Variants in UBIAD1 observed in about 807,000 individuals in gnomAD.
UBIAD1 encodes ubiA prenyltransferase domain-containing protein 1.
Under a neutral mutation model 20.1 loss-of-function variants are expected in UBIAD1, and 12 were observed. The ratio of observed to expected loss-of-function variants is 0.60; its 90% confidence interval spans 0.38 to 0.97. The LOEUF is 0.97. Ranked by LOEUF, UBIAD1 falls within the 50% of genes least tolerant of loss-of-function variation. The pLI, the probability that UBIAD1 is intolerant of heterozygous loss-of-function variation, is 0.00. For missense variants in UBIAD1, 333 were observed against 419.5 expected (o/e 0.79, Z 1.80); for synonymous variants, 207 against 189.2 (o/e 1.09, Z -0.77).
chr1:11,286,177 A>G lies in UBIAD1; in HGVS notation c.*46A>G. Reference sequence around the variant, plus strand: ...ACGACATGTCTCCCTTTCTTAGAATATATTAAAGTCAGAGTCTCTGAGGAA... The same window carrying G: ...ACGACATGTCTCCCTTTCTTAGAATGTATTAAAGTCAGAGTCTCTGAGGAA... On this transcript the variant is annotated 3_prime_UTR_variant, in exon 2 of 2. Coordinates refer to ENST00000376810, the MANE Select transcript of UBIAD1 (RefSeq NM_013319.3). 1 of 1,612,976 alleles carries G rather than the reference A, an allele frequency of 6.2e-7. No individual in the cohort carries two copies. The highest frequency in any genetic ancestry group is 8.5e-7 in the Non-Finnish European group (1 of 1,179,402).
intron 1 of UBIAD1, among the ~76,000 whole-genome samples, chr1:11,280,341 C>T (rs911252583): frequency 7.2e-5 from 11 of 152,124 alleles, no homozygotes; most frequent in African/African-American, 2.7e-4. Context: ...CGATCTTAAC[C>T]AGTCCTACTC....
At chr1:11,298,754 T>A (rs1338449424), downstream of UBIAD1, among the ~76,000 whole-genome samples, 1 of 152,116 alleles carries the variant, frequency 6.6e-6, no homozygotes, top group Non-Finnish European at 1.5e-5. This position sits in a 1 kb window ranked among gnomAD's most constrained non-coding sequence, Gnocchi z 4.0. Flanking sequence ...GAGCGACACC[T>A]GGTAAAGCCA....
rs749063851 is a variant in UBIAD1, at chr1:11,274,041, C to T, written c.510C>T (p.Gly170=). Reference sequence around the variant, plus strand: ...TTATCTACTTTGGAGGCCTGTCTGGCTCCTTTCTCTACACAGGAGGTAAGA... The same window carrying T: ...TTATCTACTTTGGAGGCCTGTCTGGTTCCTTTCTCTACACAGGAGGTAAGA... The part of the protein sequence containing the change: ...LALIYFGGLS[G]SFLYTGGIGF... Residue 170 remains glycine, a synonymous_variant, in exon 1 of 2, where the codon GGC becomes GGT. Coordinates refer to ENST00000376810, the MANE Select transcript of UBIAD1 (RefSeq NM_013319.3). The T allele has an allele frequency of 3.1e-6, 5 of 1,614,168 alleles. No homozygotes were observed. The Admixed American group carries it at 8.3e-5, about 27-fold the overall frequency.
Position 11,284,148 on chromosome 1 carries a change from G to A in UBIAD1, c.530-1496G>A, listed in dbSNP as rs186767109. Among the ~76,000 whole-genome samples, 676 of 152,332 alleles carry A rather than the reference G, an allele frequency of 4.4e-3. 3 individuals carry two copies. Among genetic ancestry groups the A allele is most frequent in the Non-Finnish European group, 7.5e-3 (510 of 68,034 alleles). On this transcript the variant is annotated intron_variant, in intron 1 of 1. Transcript: ENST00000376810. Reference sequence around the variant, plus strand: ...ATGATGAAGTTTATGAACATGGCAGGCATATTGCCATGGGAGCATATTGCA... The same window carrying A: ...ATGATGAAGTTTATGAACATGGCAGACATATTGCCATGGGAGCATATTGCA...
At chr1:11,281,947 G>C (rs1652255310) in intron 1 of UBIAD1, among the ~76,000 whole-genome samples, 1 of 151,896 alleles carries the variant, frequency 6.6e-6, no homozygotes, top group Non-Finnish European at 1.5e-5. Flanking sequence ...TCCTTTTTTT[G>C]CTGACTAGCA....
Position 11,285,718 on chromosome 1 carries a change from G to T in UBIAD1, c.604G>T (p.Ala202Ser). 1.2e-6 allele frequency: 2 copies of T among 1,614,076 alleles called. No homozygotes were observed. Among genetic ancestry groups the T allele is most frequent in the South Asian group, 2.2e-5 (2 of 91,080 alleles). The part of the protein sequence containing the change: ...ITFGPLAVMF[A>S]YAIQVGSLAI... ...TTTTGGCCCGCTGGCTGTGATGTTC[G>T]CCTACGCCATCCAGGTGGGGTCCCT... The change falls in exon 2 of 2, where the codon GCC (alanine) becomes TCC (serine). Residue 202 changes from alanine (A) to serine (S), a missense_variant. This residue lies in a region of UBIAD1 where 226 missense variants were observed against 263.5 expected (regional missense o/e 0.86). Coordinates refer to ENST00000376810, the MANE Select transcript of UBIAD1 (RefSeq NM_013319.3). This position sits in a 1 kb window ranked among gnomAD's most constrained non-coding sequence, Gnocchi z 4.4.
downstream of UBIAD1, among the ~76,000 whole-genome samples, chr1:11,292,649 T>C (rs1000400646): frequency 6.7e-6 from 1 of 149,458 alleles, no homozygotes; most frequent in Non-Finnish European, 1.5e-5. Flanking sequence ...GATATTCTTT[T>C]TTTAAAAGAT....
intron 1 of UBIAD1, among the ~76,000 whole-genome samples, chr1:11,279,954 G>GT (rs1652188273): frequency 6.6e-6 from 1 of 152,164 alleles, no homozygotes; most frequent in Admixed American, 6.6e-5. Context: ...CAGGTAAAGG[G>GT]GATGTGAGCA....
chr1:11,276,817 A>T (rs1027097747), intron 1 of UBIAD1, among the ~76,000 whole-genome samples: 1 of 152,104 alleles, frequency 6.6e-6, no homozygotes, highest in African/African-American at 2.4e-5. Flanking sequence ...TGTAACACAC[A>T]TGAACAGCTT....
At chr1:11,298,103 G>T (rs925570070), downstream of UBIAD1, among the ~76,000 whole-genome samples, 1 of 151,892 alleles carries the variant, frequency 6.6e-6, no homozygotes, top group African/African-American at 2.4e-5. This position sits in a 1 kb window ranked among gnomAD's most constrained non-coding sequence, Gnocchi z 4.0. Flanking sequence ...TGGGATTACA[G>T]CATGCACCAC....
intron 1 of UBIAD1, among the ~76,000 whole-genome samples, chr1:11,278,067 C>A (rs1441556757): frequency 2.0e-5 from 3 of 152,196 alleles, no homozygotes; most frequent in Non-Finnish European, 2.9e-5. Flanking sequence ...AAGCGATCAT[C>A]CTACCTCAGT....
chr1:11,276,777 T>C (rs1569891228), intron 1 of UBIAD1, among the ~76,000 whole-genome samples: 1 of 149,220 alleles, frequency 6.7e-6, no homozygotes, highest in Non-Finnish European at 1.5e-5. Context: ...AAAAAAAAAC[T>C]GTAAGCAAAT....
downstream of UBIAD1, among the ~76,000 whole-genome samples, chr1:11,291,041 C>T (rs1022493528): frequency 6.6e-6 from 1 of 152,188 alleles, no homozygotes; most frequent in African/African-American, 2.4e-5. Context: ...CAGTAATGAG[C>T]TCCAACTTCC....
intron 1 of UBIAD1, among the ~76,000 whole-genome samples, chr1:11,284,515 A>G (rs1652345596): frequency 6.6e-6 from 1 of 152,096 alleles, no homozygotes; most frequent in Non-Finnish European, 1.5e-5. Context: ...GCCAGGCTGG[A>G]GTGCAGTAGC....
At chr1:11,292,748 TGA>T (rs1276968531), downstream of UBIAD1, among the ~76,000 whole-genome samples, 1 of 149,536 alleles carries the variant, frequency 6.7e-6, no homozygotes, top group Admixed American at 6.7e-5. Context: ...GCCCTTGAAG[TGA>T]GAGGGATGAC....
At chr1:11,288,845 G>A (rs936434887), downstream of UBIAD1, among the ~76,000 whole-genome samples, 2 of 152,068 alleles carry the variant, frequency 1.3e-5, no homozygotes, top group African/African-American at 2.4e-5. Flanking sequence ...CTAGCAGGTC[G>A]AGGCTGCAGT....
In UBIAD1 at chr1:11,274,022, A is replaced by T. The variant is rs770036364; in HGVS notation, c.491A>T (p.Tyr164Phe). ...PLKLEHLALI[Y>F]FGGLSGSFLY... Reference sequence around the variant, plus strand: ...AAACTGGAGCACTTGGCTCTTATCTACTTTGGAGGCCTGTCTGGCTCCTTT... The same window carrying T: ...AAACTGGAGCACTTGGCTCTTATCTTCTTTGGAGGCCTGTCTGGCTCCTTT... The change falls in exon 1 of 2, where the codon TAC becomes TTC. Residue 164 changes from tyrosine to phenylalanine, a missense_variant. Tyr to Phe is a conservative substitution (Grantham distance 22, BLOSUM62 3). Transcript: ENST00000376810. 1.2e-6 allele frequency: 2 copies of T among 1,613,764 alleles called. No individual in the cohort carries two copies. Among genetic ancestry groups the T allele is most frequent in the Non-Finnish European group, 1.7e-6 (2 of 1,179,972 alleles).
intron 1 of UBIAD1, among the ~76,000 whole-genome samples, chr1:11,283,916 T>C (rs1158251117): frequency 6.6e-6 from 1 of 152,152 alleles, no homozygotes; most frequent in East Asian, 1.9e-4. Flanking sequence ...GCAGCTCCAC[T>C]CATTCCATAC....
Position 11,285,627 on chromosome 1 carries a change from G to T in UBIAD1, c.530-17G>T. On this transcript the variant is annotated splice_polypyrimidine_tract_variant and intron_variant, in intron 1 of 1. Transcript: ENST00000376810. The surrounding 1 kb of genome is among the most constrained non-coding windows in gnomAD (Gnocchi z 4.4). ...AGCCTTGGTCTCACACCAACTCTCT[G>T]GATTTTCTGGCCGCAGGAATTGGAT... 1 of 1,614,088 alleles carries T rather than the reference G, an allele frequency of 6.2e-7. No individual in the cohort carries two copies. Among genetic ancestry groups the T allele is most frequent in the Non-Finnish European group, 8.5e-7 (1 of 1,180,042 alleles).
Sources: gnomAD v4.1 joint callset for allele counts (sites outside exome capture counted in the v4.1 genomes callset) on GRCh38, gnomAD v4.1.1 for gene constraint, gnomAD v4.1.1 regional missense constraint, Gnocchi (gnomAD v3.1) non-coding constraint, MANE v1.5 for transcripts, NCBI Gene and HGNC (gene_info 2026-07-23, HGNC 2026-07-21) for gene names.